Variants in ING1 observed in about 807,000 individuals in gnomAD.
The protein encoded by ING1 is inhibitor of growth family member 1, also known as inhibitor of growth protein 1.
Under a neutral mutation model 23.1 loss-of-function variants are expected in ING1, and 4 were observed. The ratio of observed to expected loss-of-function variants is 0.17; its 90% CI spans 0.09 to 0.40. The LOEUF is 0.40. Among genes scored for constraint, ING1 ranks in the 10% least tolerant of loss-of-function variants. The pLI, the probability that ING1 is intolerant of heterozygous loss-of-function variation, is 1.00. For synonymous variants in ING1, 179 were observed against 166.4 expected (o/e 1.08, Z -0.58); for missense variants, 256 against 393.8 (o/e 0.65, Z 2.96).
intron 1 of ING1, 110 bp downstream of exon 1, chr13:110,714,395 C>T: frequency 9.2e-7 from 1 of 1,086,984 alleles, no homozygotes; most frequent in South Asian, 2.9e-5. Context: ...CGGCCGGCTC[C>T]GCAGCGGCGG....
intron 1 of ING1, among the ~76,000 whole-genome samples, chr13:110,716,226 C>T (rs1331360849): frequency 6.6e-6 from 1 of 152,178 alleles, no homozygotes; most frequent in Non-Finnish European, 1.5e-5. Flanking sequence ...GTTCATGGAG[C>T]CACTTTGTCC....
In ING1 at chr13:110,720,462, T is replaced by G. The variant is rs1436981994; in HGVS notation, c.*530T>G. 6.0e-6 allele frequency: 1 copy of G among 167,110 alleles called. No homozygotes were observed. The highest frequency in any genetic ancestry group is 1.5e-5 in the Non-Finnish European group (1 of 68,132). The allele number at this position is 167,110 out of a possible 1,614,324, so 10.4% of individuals were successfully genotyped here. A position where few individuals can be genotyped will look rare whatever the true frequency, so the allele number is the denominator to read the frequency against. ...ATGGTTAAATTTTACATGACAGATA[T>G]TTTATCTATTGGCCTGTTCCCCAAA... On this transcript the variant is annotated 3_prime_UTR_variant, in exon 2 of 2. Transcript: ENST00000333219.
At position 110,720,381 on chromosome 13, in the gene ING1, T is replaced by C. The variant is rs924311081; in HGVS notation, c.*449T>C. ...TTCTTGCTGCCATGATGTATATCCA[T>C]ATAACAATTCAGTAACAAAGGTTTA... On this transcript the variant is annotated 3_prime_UTR_variant, in exon 2 of 2. Transcript: ENST00000333219. 1 of 167,344 alleles carries C rather than the reference T, an allele frequency of 6.0e-6. No homozygotes were observed. Among genetic ancestry groups the C allele is most frequent in the Non-Finnish European group, 1.5e-5 (1 of 68,292 alleles). The allele number at this position is 167,344 out of a possible 1,614,324, so 10.4% of individuals were successfully genotyped here.
At chr13:110,713,076 T>C (rs1594448948), upstream of ING1, 1 of 1,445,016 alleles carries the variant, frequency 6.9e-7, no homozygotes. Flanking sequence ...GCCCTCCCCT[T>C]CCTTCCGCCT....
upstream of ING1, chr13:110,713,229 C>G: frequency 1.4e-6 from 2 of 1,409,804 alleles, no homozygotes; most frequent in Non-Finnish European, 1.8e-6. Flanking sequence ...GTTTCGGGCC[C>G]TACTTATACT....
At chr13:110,715,237 G>GT in intron 1 of ING1, 2 of 1,321,000 alleles carry the variant, frequency 1.5e-6, no homozygotes, top group Non-Finnish European at 1.9e-6. Flanking sequence ...GTTTACTAAT[G>GT]TTTACAAGGC....
At chr13:110,717,310 G>A (rs574095924) in intron 1 of ING1, among the ~76,000 whole-genome samples, 24 of 152,294 alleles carry the variant, frequency 1.6e-4, no homozygotes, top group African/African-American at 5.5e-4. Context: ...CTGGTGGCAG[G>A]CAGCCTGCAT....
At position 110,714,002 on chromosome 13, in the gene ING1, G is replaced by C; in HGVS notation, c.-148G>C. ...CCGGAGGCGGCGGACGGGCTCGGCA[G>C]ATGTAGCCGCCGGGCCGAAGCAGGA... On this transcript the variant is annotated 5_prime_UTR_variant, in exon 1 of 2. Transcript: ENST00000333219. 2 of 1,163,920 alleles carry C rather than the reference G, an allele frequency of 1.7e-6. No individual in the cohort carries two copies. Among genetic ancestry groups the C allele is most frequent in the Non-Finnish European group, 1.1e-6 (1 of 943,074 alleles). 72.1% of individuals were successfully genotyped at this position (1,163,920 alleles called of 1,614,324 possible).
At chr13:110,716,380 G>C (rs559761224) in intron 1 of ING1, among the ~76,000 whole-genome samples, 2 of 152,280 alleles carry the variant, frequency 1.3e-5, no homozygotes, top group East Asian at 1.9e-4. Context: ...AGAAGCGAGC[G>C]AATCTGTCGC....
chr13:110,714,879 C>A, intron 1 of ING1: 1 of 699,008 alleles, frequency 1.4e-6, no homozygotes, highest in Non-Finnish European at 1.8e-6. Flanking sequence ...TGGAGCTGGA[C>A]ACCGAGTAGG....
Position 110,715,626 on chromosome 13 carries a change from C to T in ING1, c.136+1341C>T, listed in dbSNP as rs374098399. 8 of 1,613,840 alleles carry T rather than the reference C, an allele frequency of 5.0e-6. No homozygotes were observed. In the South Asian group the frequency reaches 7.7e-5, roughly 16 times the overall value. On this transcript the variant is annotated intron_variant, in intron 1 of 1. Coordinates refer to ENST00000333219, the MANE Select transcript of ING1 (RefSeq NM_198219.3). Reference sequence around the variant, plus strand: ...ATTTGAACGTCTTCGGGTCGCTCGGCCTCCAGCCTTGGATTGGTTCTTCTC... The same window carrying T: ...ATTTGAACGTCTTCGGGTCGCTCGGTCTCCAGCCTTGGATTGGTTCTTCTC...
At chr13:110,713,298 T>C (rs2064059754), upstream of ING1, 2 of 1,236,110 alleles carry the variant, frequency 1.6e-6, no homozygotes, top group Non-Finnish European at 2.0e-6. Context: ...GTAGTTGCTG[T>C]GTACCATGGT....
In ING1 at chr13:110,714,230, T is replaced by C. The variant is rs375639717; in HGVS notation, c.81T>C (p.Pro27=). 5.1e-6 allele frequency: 8 copies of C among 1,578,366 alleles called. No homozygotes were observed. The East Asian group carries it at 1.2e-4, about 25-fold the overall frequency. The change falls in exon 1 of 2, where the codon CCT becomes CCC. Residue 27 remains proline (P), a synonymous_variant. Transcript: ENST00000333219. ...ACCTGGACTCCATCGAGTCCCTGCC[T>C]TTCGACTTGCAGAGAAATGTCTCGC... ...EDYLDSIESL[P]FDLQRNVSLM... is the part of the protein sequence containing the mutation.
upstream of ING1, chr13:110,713,478 G>A: frequency 1.0e-6 from 1 of 988,826 alleles, no homozygotes; most frequent in African/African-American, 1.7e-5. Context: ...ACACCCCAGC[G>A]GCCCTGACGC....
upstream of ING1, chr13:110,712,734 G>T (rs1416099476): frequency 3.0e-5 from 21 of 697,860 alleles, 2 homozygotes; most frequent in Admixed American, 3.6e-4. Context: ...TGTGGGGAGC[G>T]GCCTCCGAGA....
chr13:110,714,958 T>G, intron 1 of ING1: 1 of 976,992 alleles, frequency 1.0e-6, no homozygotes, highest in Non-Finnish European at 1.2e-6. Flanking sequence ...CTGTGTGCCG[T>G]AGGGAAGGGA....
intron 1 of ING1, chr13:110,715,759 G>A (rs1260019396): frequency 3.2e-6 from 5 of 1,583,764 alleles, no homozygotes; most frequent in Admixed American, 3.6e-5. Context: ...TCGGGGTGCG[G>A]GGCGAGTCTC....
At chr13:110,713,454 C>T, upstream of ING1, 3 of 991,508 alleles carry the variant, frequency 3.0e-6, no homozygotes, top group Non-Finnish European at 2.4e-6. Context: ...AAGTTTGCGC[C>T]TCGCCCGCCG....
rs368863213 is a variant in ING1 at position 110,722,913 on chromosome 13, G to A, written c.*2981G>A. ...TACAATAGAAAGATCCTGGAATCCC[G>A]ACATGAGGACAAAAATGGTACTGAA... On this transcript the variant is annotated 3_prime_UTR_variant, in exon 2 of 2. Transcript: ENST00000333219. The A allele has an allele frequency of 1.2e-4, 18 of 152,174 alleles. No homozygotes were observed. Among genetic ancestry groups the A allele is most frequent in the East Asian group, 5.8e-4 (3 of 5,190 alleles). The allele number at this position is 152,174 out of a possible 1,614,324, so 9.4% of individuals were successfully genotyped here.
Sources: gnomAD v4.1 joint callset for allele counts (sites outside exome capture counted in the v4.1 genomes callset) on GRCh38, gnomAD v4.1.1 for gene constraint, MANE v1.5 for transcripts, NCBI Gene and HGNC (gene_info 2026-07-23, HGNC 2026-07-21) for gene names.